The following LRRC37A2 variants were observed in gnomAD, a reference collection of about 807,000 sequenced individuals.
The protein encoded by LRRC37A2 is leucine rich repeat containing 37 member A2.
A neutral mutation model predicts 68.8 loss-of-function variants in LRRC37A2; 9 were observed. The ratio of observed to expected loss-of-function variants is 0.13; its 90% confidence interval spans 0.08 to 0.23. The LOEUF (loss-of-function observed/expected upper bound fraction) is 0.23, where lower values mean the gene tolerates loss of function less well. Ranked by LOEUF, LRRC37A2 falls within the 10% of genes least tolerant of loss-of-function variation. The probability of loss-of-function intolerance (pLI) is 1.00; values close to 1 mark genes in which losing one functional copy is unlikely to be tolerated. For missense variants in LRRC37A2, 168 were observed against 950.4 expected, an observed-to-expected ratio of 0.18 and a Z score of 10.82; for synonymous variants, 63 against 367.6, an observed-to-expected ratio of 0.17 and a Z score of 9.48.
the LRRC37A2 span, among the ~76,000 whole-genome samples, chr17:46,909,455 G>A: frequency 2.6e-5 from 4 of 152,174 alleles, no homozygotes; most frequent in Middle Eastern, 3.2e-3. Context: ...GAAAAATATC[G>A]TTTCAACATA....
chr17:46,974,617 C>T, the LRRC37A2 span, among the ~76,000 whole-genome samples: 3 of 152,048 alleles, frequency 2.0e-5, no homozygotes, highest in East Asian at 5.8e-4. Context: ...GCCTGTAGTC[C>T]CAGCTACTCG....
At chr17:46,736,702 T>C in the LRRC37A2 span, among the ~76,000 whole-genome samples, 1 of 152,236 alleles carries the variant, frequency 6.6e-6, no homozygotes, top group Non-Finnish European at 1.5e-5. Context: ...TTGGTACTAA[T>C]TTGCTGCTAA....
chr17:46,974,850 T>C, the LRRC37A2 span, among the ~76,000 whole-genome samples: 2 of 152,116 alleles, frequency 1.3e-5, no homozygotes, highest in African/African-American at 4.8e-5. Context: ...ATCTGTACAA[T>C]GGGAGGAGCT....
At chr17:46,881,167 G>A in the LRRC37A2 span, among the ~76,000 whole-genome samples, 1 of 152,182 alleles carries the variant, frequency 6.6e-6, no homozygotes, top group South Asian at 2.1e-4. Flanking sequence ...CCTGGCTCAG[G>A]CCTGCCCTGC....
chr17:46,818,733 G>T, the LRRC37A2 span: 1 of 875,806 alleles, frequency 1.1e-6, no homozygotes, highest in Non-Finnish European at 1.8e-6. Context: ...ACCCGCAGCC[G>T]CCCCCCTCCC....
At chr17:46,901,056 A>G in the LRRC37A2 span, among the ~76,000 whole-genome samples, 2,958 of 152,348 alleles carry the variant, frequency 0.019, 95 homozygotes, top group African/African-American at 0.066. Flanking sequence ...AAGAAGATTT[A>G]TCTGAAAAAC....
chr17:46,945,221 A>C, the LRRC37A2 span, among the ~76,000 whole-genome samples: 1 of 152,126 alleles, frequency 6.6e-6, no homozygotes, highest in African/African-American at 2.4e-5. Context: ...CTGAGGCCTG[A>C]TGTGCTGTCT....
At chr17:46,764,968 G>A in the LRRC37A2 span, among the ~76,000 whole-genome samples, 1 of 152,268 alleles carries the variant, frequency 6.6e-6, no homozygotes, top group South Asian at 2.1e-4. Context: ...CCAACTCCAA[G>A]TCAACTGCTG....
chr17:46,685,098 A>T, the LRRC37A2 span, among the ~76,000 whole-genome samples: 1 of 131,688 alleles, frequency 7.6e-6, no homozygotes, highest in African/African-American at 2.9e-5. Context: ...AAACTCAGAA[A>T]CTGAGATTGG....
the LRRC37A2 span, chr17:46,749,760 T>C: frequency 6.2e-7 from 1 of 1,608,406 alleles, no homozygotes; most frequent in Non-Finnish European, 8.5e-7. Flanking sequence ...ACACATTTTC[T>C]CCCTATGATC....
the LRRC37A2 span, among the ~76,000 whole-genome samples, chr17:46,953,755 A>G: frequency 6.6e-6 from 1 of 152,100 alleles, no homozygotes. Context: ...ATGGTATCTC[A>G]TTGTGGTTTT....
chr17:46,818,375 A>G, the LRRC37A2 span: 5 of 634,224 alleles, frequency 7.9e-6, no homozygotes, highest in Non-Finnish European at 9.9e-6. Flanking sequence ...CAGAAAATCC[A>G]GGAGGGGTGG....
chr17:46,978,391 AAC>A, the LRRC37A2 span: 66 of 340,028 alleles, frequency 1.9e-4, no homozygotes, highest in South Asian at 1.2e-3. Context: ...AAAACAAACA[AAC>A]AAAAAAAACT....
At chr17:46,981,698 A>T in the LRRC37A2 span, among the ~76,000 whole-genome samples, 1 of 152,058 alleles carries the variant, frequency 6.6e-6, no homozygotes, top group African/African-American at 2.4e-5. Flanking sequence ...TATTAAAATT[A>T]TTATTTTATT....
chr17:46,877,566 C>T, the LRRC37A2 span, among the ~76,000 whole-genome samples: 3 of 152,156 alleles, frequency 2.0e-5, no homozygotes, highest in African/African-American at 7.2e-5. Context: ...GTGTTCCCTG[C>T]TGGCCAAAGG....
At chr17:46,503,077 T>C in the LRRC37A2 span, among the ~76,000 whole-genome samples, 1 of 150,574 alleles carries the variant, frequency 6.6e-6, no homozygotes, top group East Asian at 2.0e-4. Context: ...CCGGCAGTGG[T>C]GGGGGGCGCC....
chr17:46,842,689 A>C, the LRRC37A2 span, among the ~76,000 whole-genome samples: 2 of 152,180 alleles, frequency 1.3e-5, no homozygotes, highest in Non-Finnish European at 2.9e-5. Flanking sequence ...TTTTATTCAA[A>C]GTCCTTTTGT....
the LRRC37A2 span, among the ~76,000 whole-genome samples, chr17:46,820,322 T>G: frequency 2.3e-4 from 31 of 133,356 alleles, no homozygotes; most frequent in South Asian, 5.0e-4. Flanking sequence ...CTGGAGGGGG[T>G]GGGAGGGGAG....
the LRRC37A2 span, among the ~76,000 whole-genome samples, chr17:47,001,717 CTTT>C: frequency 9.2e-6 from 1 of 108,608 alleles, no homozygotes; most frequent in Non-Finnish European, 1.9e-5. Flanking sequence ...CTCTTTTTTC[CTTT>C]TTTTTTTTTT....
Sources: allele counts gnomAD v4.1 joint callset (sites outside exome capture counted in the v4.1 genomes callset), GRCh38; gene constraint gnomAD v4.1.1; transcripts MANE v1.5; gene names NCBI Gene and HGNC (gene_info 2026-07-23, HGNC 2026-07-21).